The following AGBL4 variants were observed in gnomAD, a reference collection of about 807,000 sequenced individuals.
The protein encoded by AGBL4 is AGBL carboxypeptidase 4, also known as cytosolic carboxypeptidase 6.
AGBL4 carries 58 observed loss-of-function variants against 66.4 expected under a neutral mutation model. That is an observed-to-expected ratio of 0.87 (90% CI 0.71 to 1.09). AGBL4 has a LOEUF of 1.09. Ranked by LOEUF, AGBL4 falls within the 50% of genes least tolerant of loss-of-function variation. The probability of loss-of-function intolerance (pLI) is 0.00; values close to 1 mark genes in which losing one functional copy is unlikely to be tolerated. For synonymous variants in AGBL4, 234 were observed against 222.9 expected (o/e 1.05, Z -0.44); for missense variants, 579 against 631.0 (o/e 0.92, Z 0.88).
chr1:49,947,187 C>G (rs773818329), intron 1 of AGBL4, among the ~76,000 whole-genome samples: 7 of 151,974 alleles, frequency 4.6e-5, no homozygotes, highest in African/African-American at 1.7e-4. Context: ...CTCCCTAAAT[C>G]ATTCTATGAA....
intron 6 of AGBL4, among the ~76,000 whole-genome samples, chr1:48,750,412 G>A (rs191493103): frequency 3.8e-4 from 58 of 152,236 alleles, no homozygotes; most frequent in Admixed American, 2.7e-3. Context: ...CCTTTGTTTA[G>A]GCTCTCCTGT....
chr1:49,129,546 G>A (rs1645843032), intron 4 of AGBL4, among the ~76,000 whole-genome samples: 1 of 150,246 alleles, frequency 6.7e-6, no homozygotes, highest in Admixed American at 6.7e-5. Flanking sequence ...TCCCACCTAT[G>A]AGTGAGAACA....
chr1:48,896,236 T>C (rs776612833), intron 5 of AGBL4, among the ~76,000 whole-genome samples: 1 of 152,228 alleles, frequency 6.6e-6, no homozygotes, highest in Non-Finnish European at 1.5e-5. Flanking sequence ...AGATCTCACC[T>C]TGCCATTTCC....
chr1:49,716,562 C>A (rs1285496255), intron 2 of AGBL4, among the ~76,000 whole-genome samples: 1 of 151,992 alleles, frequency 6.6e-6, no homozygotes, highest in Non-Finnish European at 1.5e-5. Flanking sequence ...ACAAGCACAT[C>A]AAAAAGCTTA....
chr1:49,967,980 T>C (rs1327940147), intron 1 of AGBL4, among the ~76,000 whole-genome samples: 2 of 152,112 alleles, frequency 1.3e-5, no homozygotes, highest in Non-Finnish European at 2.9e-5. Context: ...TTCCAGCACT[T>C]TGGGAGACTG....
At chr1:49,605,472 C>T (rs1253479202) in intron 3 of AGBL4, among the ~76,000 whole-genome samples, 1 of 151,950 alleles carries the variant, frequency 6.6e-6, no homozygotes, top group African/African-American at 2.4e-5. Context: ...CAAAGAAGCA[C>T]AACATTTAAT....
intron 6 of AGBL4, among the ~76,000 whole-genome samples, chr1:48,705,529 T>C (rs969863311): frequency 6.6e-6 from 1 of 152,228 alleles, no homozygotes; most frequent in African/African-American, 2.4e-5. Context: ...AGAAATATCA[T>C]TACCCTTGGG....
intron 4 of AGBL4, among the ~76,000 whole-genome samples, chr1:49,149,379 C>A (rs907162782): frequency 2.6e-5 from 4 of 152,186 alleles, no homozygotes; most frequent in Admixed American, 2.0e-4. Flanking sequence ...ACTTTCCTTG[C>A]ACAAACAGAA....
intron 3 of AGBL4, among the ~76,000 whole-genome samples, chr1:49,273,585 T>C (rs1391921857): frequency 1.3e-5 from 2 of 150,876 alleles, no homozygotes; most frequent in East Asian, 1.9e-4. Context: ...AAATTTAATA[T>C]TAATAATATA....
chr1:48,661,628 T>A (rs979153987), intron 7 of AGBL4, among the ~76,000 whole-genome samples: 3 of 152,204 alleles, frequency 2.0e-5, no homozygotes, highest in African/African-American at 7.2e-5. Context: ...AACAGGGTCT[T>A]CAGAGAGCAC....
At chr1:48,529,550 C>T (rs1266722852), downstream of AGBL4, among the ~76,000 whole-genome samples, 2 of 152,122 alleles carry the variant, frequency 1.3e-5, no homozygotes, top group South Asian at 2.1e-4. Flanking sequence ...ACTTTAAACT[C>T]GGGCTGTTCC....
At chr1:48,603,970 CAACAAA>C (rs1265366815) in intron 9 of AGBL4, among the ~76,000 whole-genome samples, 1 of 151,856 alleles carries the variant, frequency 6.6e-6, no homozygotes, top group African/African-American at 2.4e-5. Flanking sequence ...ACAACAACAA[CAACAAA>C]AACCAAAAAT....
chr1:49,274,600 A>G (rs1435140813), intron 3 of AGBL4, among the ~76,000 whole-genome samples: 1 of 152,118 alleles, frequency 6.6e-6, no homozygotes, highest in Non-Finnish European at 1.5e-5. Flanking sequence ...ATTCTTCCTA[A>G]AAAGTAATTT....
chr1:49,963,815 T>G, intron 1 of AGBL4, among the ~76,000 whole-genome samples: 1 of 152,106 alleles, frequency 6.6e-6, no homozygotes, highest in East Asian at 1.9e-4. Context: ...TAATGCAGAC[T>G]TTGTCATCTA....
intron 4 of AGBL4, among the ~76,000 whole-genome samples, chr1:49,172,622 T>C (rs917217486): frequency 6.6e-6 from 1 of 151,876 alleles, no homozygotes; most frequent in African/African-American, 2.4e-5. Context: ...AGTGTGGAGG[T>C]AGGATCCTAT....
Position 48,773,024 on chromosome 1 carries a change from C to G in AGBL4, c.634+94167G>C, listed in dbSNP as rs140655326. Among the ~76,000 whole-genome samples, 554 of 152,220 alleles carry G rather than the reference C, an allele frequency of 3.6e-3. 2 individuals are homozygous for G. The highest frequency in any genetic ancestry group is 0.013 in the African/African-American group (534 of 41,536). On this transcript the variant is annotated intron_variant, in intron 6 of 13. Coordinates refer to ENST00000371839, the MANE Select transcript of AGBL4 (RefSeq NM_032785.4). Reference sequence around the variant, plus strand: ...CAGGACATGAAAAGTCAACGCCTGCCACCCCTGGGTCGTGCTGTCATTTCA... The same window carrying G: ...CAGGACATGAAAAGTCAACGCCTGCGACCCCTGGGTCGTGCTGTCATTTCA...
At chr1:48,637,441 C>T (rs1424736963) in intron 8 of AGBL4, among the ~76,000 whole-genome samples, 1 of 152,176 alleles carries the variant, frequency 6.6e-6, no homozygotes, top group Admixed American at 6.5e-5. Context: ...TGAGTTTGCT[C>T]CTCCATCATT....
At chr1:48,716,082 T>C (rs1647045733) in intron 6 of AGBL4, among the ~76,000 whole-genome samples, 1 of 152,308 alleles carries the variant, frequency 6.6e-6, no homozygotes, top group African/African-American at 2.4e-5. Context: ...ACGGGGCATA[T>C]GGAAATCTTG....
rs186693278 is a variant in AGBL4, at chr1:49,350,264, C to T, written c.283-104400G>A. ...TGTCGCCCAGGCTGGAGTGCAGTGG[C>T]GGGATCTCGGCTCACTGCAAGCTCC... is the stretch of plus-strand genomic sequence containing the variant. On this transcript the variant is annotated intron_variant, in intron 3 of 13. Transcript: ENST00000371839. Among the ~76,000 whole-genome samples, 1,159 of 144,504 alleles carry T rather than the reference C, an allele frequency of 8.0e-3. 8 individuals are homozygous for T. Among genetic ancestry groups the T allele is most frequent in the Middle Eastern group, 0.033 (9 of 274 alleles). 94.8% of individuals were successfully genotyped at this position (144,504 alleles called of 152,430 possible).
Sources: allele counts gnomAD v4.1 joint callset (sites outside exome capture counted in the v4.1 genomes callset), GRCh38; gene constraint gnomAD v4.1.1; transcripts MANE v1.5; gene names NCBI Gene and HGNC (gene_info 2026-07-23, HGNC 2026-07-21).